C6: variants seen among roughly 807,000 people sequenced by gnomAD.
The protein encoded by C6 is complement component C6.
A neutral mutation model predicts 112.9 loss-of-function variants in C6; 101 were observed. That is an observed-to-expected ratio of 0.89 (90% CI 0.76 to 1.06). The LOEUF is 1.06. Among genes scored for constraint, C6 ranks in the 50% least tolerant of loss-of-function variants. The pLI is 0.00. For synonymous variants in C6, 431 were observed against 384.1 expected (o/e 1.12, Z -1.43); for missense variants, 1,202 against 1,104.6 (o/e 1.09, Z -1.25).
Position 41,150,084 on chromosome 5 carries a change from G to A in C6, c.2291-59C>T, listed in dbSNP as rs1281182793. 8 of 1,087,396 alleles carry A rather than the reference G, an allele frequency of 7.4e-6. No homozygotes were observed. The African/African-American group carries it at 1.2e-4, about 17-fold the overall frequency. The allele number at this position is 1,087,396 out of a possible 1,614,324, so 67.4% of individuals were successfully genotyped here. ...GCACAGCATGGATTCTAAGTGATAA[G>A]CTTGAATTCAGAGAAGAGGCAGTGG... is the stretch of plus-strand genomic sequence containing the variant. On this transcript the variant is annotated intron_variant, in intron 15 of 17. Coordinates refer to ENST00000337836, the MANE Select transcript of C6 (RefSeq NM_000065.5).
chr5:41,207,698 C>T (rs1478139358), intron 1 of C6, among the ~76,000 whole-genome samples: 2 of 152,134 alleles, frequency 1.3e-5, no homozygotes, highest in African/African-American at 2.4e-5. Flanking sequence ...TATATACGCA[C>T]CCAATATAGG....
Position 41,181,552 on chromosome 5 carries a change from GT to G in C6, c.733del (p.Thr245LeufsTer6), listed in dbSNP as rs1463071035. On this transcript the variant is annotated frameshift_variant, in exon 7 of 18. Coordinates refer to ENST00000337836, the MANE Select transcript of C6 (RefSeq NM_000065.5). LOFTEE classifies it high-confidence loss of function. Reference protein sequence around the residue: ...NLENVGFEVQTAEDDLKTDFY... With the variant: ...NLENVGFEVQXAEDDLKTDFY... ...ATCTGTTTTCAAGTCATCTTCTGCA[GT>G]TTGTACCTGGAGAAAAATCCATGTA... 3.7e-6 allele frequency: 6 copies of G among 1,612,246 alleles called. No homozygotes were observed. Among genetic ancestry groups the G allele is most frequent in the Non-Finnish European group, 5.1e-6 (6 of 1,178,858 alleles).
intron 4 of C6, among the ~76,000 whole-genome samples, chr5:41,196,663 C>G (rs1750645428): frequency 6.6e-6 from 1 of 150,960 alleles, no homozygotes; most frequent in Non-Finnish European, 1.5e-5. Context: ...TATCTACTAT[C>G]TATTTTACTA....
intron 1 of C6, among the ~76,000 whole-genome samples, chr5:41,209,724 A>G (rs1307637236): frequency 6.6e-6 from 1 of 152,212 alleles, no homozygotes; most frequent in Non-Finnish European, 1.5e-5. Flanking sequence ...AGAGGACACA[A>G]ACAAATGGAA....
At chr5:41,165,829 A>C (rs1310848452) in intron 9 of C6, among the ~76,000 whole-genome samples, 1 of 152,152 alleles carries the variant, frequency 6.6e-6, no homozygotes, top group Non-Finnish European at 1.5e-5. Context: ...TTACATAGCC[A>C]ATCAACAGTG....
chr5:41,171,910 T>C (rs1217517637), intron 9 of C6, among the ~76,000 whole-genome samples: 1 of 152,186 alleles, frequency 6.6e-6, no homozygotes, highest in African/African-American at 2.4e-5. Flanking sequence ...TATATGTTTC[T>C]TTACTTTGTA....
chr5:41,201,630 T>G lies in C6; in HGVS notation c.228A>C (p.Gln76His). The change falls in exon 3 of 18, where the codon CAA becomes CAC. Residue 76 changes from glutamine (Q) to histidine (H), a missense_variant. Gln to His is a conservative substitution (Grantham distance 24). Coordinates refer to ENST00000337836, the MANE Select transcript of C6 (RefSeq NM_000065.5). ...CCAGGAGGCAGTTGATGGGGCATCT[T>G]TGCCAGTTACATTCTCTAGTCTCCT... ...SKQETRECNW[Q>H]RCPINCLLGD... is the part of the protein sequence containing the mutation. 6.2e-7 allele frequency: 1 copy of G among 1,613,734 alleles called. No homozygotes were observed. Among genetic ancestry groups the G allele is most frequent in the South Asian group, 1.1e-5 (1 of 91,078 alleles).
chr5:41,155,365 G>T (rs1273872717), intron 13 of C6, among the ~76,000 whole-genome samples: 2 of 152,032 alleles, frequency 1.3e-5, no homozygotes, highest in Non-Finnish European at 2.9e-5. Context: ...ATTGGTTAGG[G>T]TTTTGTTTGT....
Position 41,153,879 on chromosome 5 carries a change from G to T in C6, c.2221C>A (p.Pro741Thr), listed in dbSNP as rs1254885285. 2.5e-6 allele frequency: 4 copies of T among 1,613,536 alleles called. 1 individual carries two copies. In the South Asian group the frequency reaches 4.4e-5, roughly 18 times the overall value. ...TTCCCCTGGCATGTGTACCTTGATG[G>T]CCCAGCAACAACAAAGCCTTTGGGG... ...TCPKGFVVAG[P>T]SRYTCQGNSW... The change falls in exon 15 of 18, where the codon CCA (proline) becomes ACA (threonine). Residue 741 changes from proline to threonine, a missense_variant. By Grantham distance (38) the Pro-to-Thr change is conservative (BLOSUM62 -1). Transcript: ENST00000337836.
chr5:41,252,647 C>T (rs533808278), intron 1 of C6, among the ~76,000 whole-genome samples: 1 of 152,312 alleles, frequency 6.6e-6, no homozygotes, highest in South Asian at 2.1e-4. Context: ...TGTAGAGAGT[C>T]TCCTTCCCTT....
chr5:41,259,698 G>C (rs1291194831), intron 1 of C6, among the ~76,000 whole-genome samples: 2 of 152,130 alleles, frequency 1.3e-5, no homozygotes, highest in Non-Finnish European at 2.9e-5. Flanking sequence ...TTTAGGAAGA[G>C]GTTTCTGTTT....
chr5:41,230,335 G>A (rs576434925), intron 1 of C6, among the ~76,000 whole-genome samples: 1 of 152,192 alleles, frequency 6.6e-6, no homozygotes, highest in African/African-American at 2.4e-5. Flanking sequence ...AGATATCAGT[G>A]AATTCTTTTC....
chr5:41,214,582 C>G (rs1295750464), upstream of C6, among the ~76,000 whole-genome samples: 1 of 152,064 alleles, frequency 6.6e-6, no homozygotes, highest in African/African-American at 2.4e-5. Context: ...TGCTGCAGAC[C>G]AGTGTTGAAG....
chr5:41,149,091 T>G (rs1314851394), intron 17 of C6, 150 bp downstream of exon 17: 3 of 1,015,150 alleles, frequency 3.0e-6, no homozygotes, highest in Non-Finnish European at 3.0e-6. Flanking sequence ...GATTATAATT[T>G]TCCTTTCTGT....
At chr5:41,176,798 A>G (rs1580118708) in intron 7 of C6, 83 bp from the exon 8 acceptor site, 6 of 1,218,814 alleles carry the variant, frequency 4.9e-6, no homozygotes, top group East Asian at 4.9e-5. Context: ...TTGATTTATC[A>G]TTAGTTTCAT....
chr5:41,205,703 G>A (rs1751382117), intron 1 of C6, among the ~76,000 whole-genome samples: 1 of 152,208 alleles, frequency 6.6e-6, no homozygotes, highest in African/African-American at 2.4e-5. Context: ...GGCTTGAGTA[G>A]GTAAACAAAG....
At chr5:41,260,802 C>T (rs144473525) in intron 1 of C6, among the ~76,000 whole-genome samples, 1,553 of 150,822 alleles carry the variant, frequency 0.01, 18 homozygotes, top group Non-Finnish European at 0.017. Context: ...CAAAAACAAA[C>T]CAAAAAAACC....
intron 15 of C6, among the ~76,000 whole-genome samples, chr5:41,150,645 T>C (rs1746299146): frequency 6.6e-6 from 1 of 151,966 alleles, no homozygotes; most frequent in Non-Finnish European, 1.5e-5. Context: ...TCCCAGCATT[T>C]TGGGAGGCTG....
At chr5:41,179,483 A>C (rs529385358) in intron 7 of C6, among the ~76,000 whole-genome samples, 1 of 152,082 alleles carries the variant, frequency 6.6e-6, no homozygotes, top group African/African-American at 2.4e-5. Flanking sequence ...GCTAAAAATA[A>C]AAAAGGCCAT....
Sources: gnomAD v4.1 joint callset for allele counts (sites outside exome capture counted in the v4.1 genomes callset) on GRCh38, gnomAD v4.1.1 for gene constraint, MANE v1.5 for transcripts, NCBI Gene and HGNC (gene_info 2026-07-23, HGNC 2026-07-21) for gene names.